The following RAF1 variants were observed in gnomAD, a reference collection of about 807,000 sequenced individuals.
The protein encoded by RAF1 is RAF proto-oncogene serine/threonine-protein kinase.
A neutral mutation model predicts 81.1 loss-of-function variants in RAF1; 27 were observed. The ratio of observed to expected loss-of-function variants is 0.33; its 90% CI spans 0.25 to 0.46. The LOEUF (loss-of-function observed/expected upper bound fraction) is 0.46. Ranked by LOEUF, RAF1 falls within the 20% of genes least tolerant of loss-of-function variation. The pLI is 1.00. For synonymous variants in RAF1, 298 were observed against 294.0 expected (o/e 1.01, Z -0.14); for missense variants, 598 against 826.0 (o/e 0.72, Z 3.38).
chr3:12,635,053 C>T (rs747765261), intron 1 of RAF1, among the ~76,000 whole-genome samples: 2 of 152,080 alleles, frequency 1.3e-5, no homozygotes, highest in African/African-American at 4.8e-5. Flanking sequence ...AGGGCAGCCA[C>T]GATGGCTCAC....
intron 3 of RAF1, among the ~76,000 whole-genome samples, chr3:12,610,263 C>A (rs1259594449): frequency 1.3e-5 from 2 of 152,198 alleles, no homozygotes; most frequent in East Asian, 1.9e-4. Context: ...CTACCAGAAG[C>A]CTAGTCAAGC....
At chr3:12,620,022 C>A (rs959910243) in intron 1 of RAF1, among the ~76,000 whole-genome samples, 2 of 152,096 alleles carry the variant, frequency 1.3e-5, no homozygotes, top group East Asian at 3.9e-4. Context: ...GCAGAGCTTG[C>A]GGTGAGCTGA....
chr3:12,596,903 C>CTT lies in RAF1; in HGVS notation c.1168+2786_1168+2787dup, dbSNP rs145040302. Among the ~76,000 whole-genome samples, 772 of 146,730 alleles carry CTT rather than the reference C, an allele frequency of 5.3e-3. 6 individuals carry two copies. The highest frequency in any genetic ancestry group is 0.016 in the African/African-American group (644 of 40,138). ...CTTTCTGACTTAAAAAACCTAGAAT[C>CTT]TTTTTTTTTTTTTGAGACGGAGTCT... On this transcript the variant is annotated intron_variant, in intron 11 of 17. Coordinates refer to ENST00000442415, the MANE Select transcript of RAF1 (RefSeq NM_001354689.3).
At chr3:12,647,022 C>T (rs1173056520) in intron 1 of RAF1, among the ~76,000 whole-genome samples, 2 of 146,930 alleles carry the variant, frequency 1.4e-5, no homozygotes, top group African/African-American at 2.5e-5. Context: ...ACCGGCCAGG[C>T]GTGGTGGCTC....
At chr3:12,661,432 A>C (rs1371587207) in intron 1 of RAF1, among the ~76,000 whole-genome samples, 1 of 152,166 alleles carries the variant, frequency 6.6e-6, no homozygotes, top group East Asian at 1.9e-4. Context: ...GGCCAGGCAC[A>C]GTGGCTCATG....
chr3:12,610,160 T>G lies in RAF1; in HGVS notation c.321-825A>C, dbSNP rs540721628. ...TAATGCCCAATTCCTTTCTTATGTT[T>G]TATCCAGTTAATCTGGCCCATTTTC... is the stretch of plus-strand genomic sequence containing the variant. On this transcript the variant is annotated intron_variant, in intron 3 of 17. Coordinates refer to ENST00000442415, the MANE Select transcript of RAF1 (RefSeq NM_001354689.3). 1.1e-4 allele frequency among the ~76,000 whole-genome samples: 17 copies of G among 152,322 alleles called. No individual in the cohort carries two copies. The South Asian group carries it at 3.3e-3, about 30-fold the overall frequency.
Position 12,613,208 on chromosome 3 carries a change from T to A in RAF1, c.208-1146A>T, listed in dbSNP as rs892138177. On this transcript the variant is annotated intron_variant, in intron 2 of 17. Coordinates refer to ENST00000442415, the MANE Select transcript of RAF1 (RefSeq NM_001354689.3). ...CAATTAATGGCAGCTGTAAAAAAAT[T>A]TGAATGAAAATTTCAGAGTTTTGAT... Among the ~76,000 whole-genome samples the A allele has an allele frequency of 2.6e-5, 4 of 152,252 alleles. No individual in the cohort carries two copies. The East Asian group carries it at 5.8e-4, about 22-fold the overall frequency.
At chr3:12,658,827 T>G (rs572116687) in intron 1 of RAF1, among the ~76,000 whole-genome samples, 1 of 152,184 alleles carries the variant, frequency 6.6e-6, no homozygotes, top group Non-Finnish European at 1.5e-5. Context: ...GATTGGAATG[T>G]GATGCCAATT....
intron 1 of RAF1, among the ~76,000 whole-genome samples, chr3:12,646,034 G>A (rs1321862201): frequency 1.3e-5 from 2 of 152,012 alleles, no homozygotes; most frequent in Non-Finnish European, 2.9e-5. Context: ...AACAACAAAG[G>A]ATTTAGCTTA....
chr3:12,590,453 T>G, intron 13 of RAF1: 1 of 274,602 alleles, frequency 3.6e-6, no homozygotes, highest in Non-Finnish European at 7.3e-6. Flanking sequence ...AGTTCTTGAG[T>G]AGCTGGGATT....
chr3:12,585,012 G>T lies in RAF1; in HGVS notation c.1729-31C>A, dbSNP rs370900574. On this transcript the variant is annotated intron_variant, in intron 16 of 17. Transcript: ENST00000442415. ...GGAAAGAAAACAGCTGAGCTAATGG[G>T]GGGTGAATGAACAACAGATAATAAC... 126 of 1,613,860 alleles carry T rather than the reference G, an allele frequency of 7.8e-5. 1 individual carries two copies. In the African/African-American group the frequency reaches 1.3e-3, roughly 17 times the overall value.
At chr3:12,642,480 C>T (rs900657992) in intron 1 of RAF1, among the ~76,000 whole-genome samples, 1 of 151,452 alleles carries the variant, frequency 6.6e-6, no homozygotes. Flanking sequence ...CCACAGCACT[C>T]CAGCCTGGGC....
intron 1 of RAF1, among the ~76,000 whole-genome samples, chr3:12,630,467 T>TGATA (rs146180716): frequency 4.5e-4 from 69 of 152,122 alleles, no homozygotes; most frequent in African/African-American, 1.6e-3. Context: ...TGATAGTGGG[T>TGATA]GATAAGTGCT....
chr3:12,619,611 C>T (rs1205308748), intron 1 of RAF1, among the ~76,000 whole-genome samples: 2 of 150,202 alleles, frequency 1.3e-5, no homozygotes, highest in African/African-American at 4.9e-5. Context: ...GCCCAGGTCT[C>T]AAGACTTCTA....
chr3:12,589,123 A>G (rs1047865789), intron 13 of RAF1: 4 of 153,284 alleles, frequency 2.6e-5, no homozygotes, highest in African/African-American at 9.7e-5. Flanking sequence ...CCCGAGTCAA[A>G]TAAACCTCTT....
chr3:12,657,282 C>A (rs553722416), intron 1 of RAF1, among the ~76,000 whole-genome samples: 2 of 152,136 alleles, frequency 1.3e-5, no homozygotes, highest in Non-Finnish European at 2.9e-5. Flanking sequence ...CACATCTACC[C>A]TTAAATATTT....
chr3:12,617,857 T>A (rs2059422114), intron 2 of RAF1, among the ~76,000 whole-genome samples: 1 of 131,594 alleles, frequency 7.6e-6, no homozygotes. Flanking sequence ...CCAGCCTGGG[T>A]GACAGAGTGA....
chr3:12,606,228 C>T lies in RAF1; in HGVS notation c.653G>A (p.Arg218Gln), dbSNP rs1387745696. Residue 218 changes from arginine (R) to glutamine (Q), a missense_variant, in exon 6 of 18, where the codon CGA becomes CAA. Around this residue, in one of 5 missense-constraint regions of RAF1, gnomAD observed 194 missense variants for 202.7 expected, o/e 0.96. Coordinates refer to ENST00000442415, the MANE Select transcript of RAF1 (RefSeq NM_001354689.3). ...AACAGGCATCCTGGAAACAGACTCT[C>T]GCATACGACGCATAGTCAAAGAAGG... 2 of 1,613,868 alleles carry T rather than the reference C, an allele frequency of 1.2e-6. No homozygotes were observed. Among genetic ancestry groups the T allele is most frequent in the Non-Finnish European group, 1.7e-6 (2 of 1,179,782 alleles).
Position 12,590,899 on chromosome 3 carries a change from C to T in RAF1, c.1329G>A (p.Trp443Ter). ...GTTTGTAGAGGCTGCTGCCCTCGCACCACTGGGTCACAATTGCCAGGTTGT... is the reference window on the plus strand; with the variant it reads ...GTTTGTAGAGGCTGCTGCCCTCGCATCACTGGGTCACAATTGCCAGGTTGT... Residue 443 changes from tryptophan to a stop codon, truncating the protein, a stop_gained, in exon 13 of 18, where the codon TGG becomes TGA. Coordinates refer to ENST00000442415, the MANE Select transcript of RAF1 (RefSeq NM_001354689.3). LOFTEE classifies it high-confidence loss of function. The T allele has an allele frequency of 6.2e-7, 1 of 1,613,316 alleles. No individual in the cohort carries two copies. The highest frequency in any genetic ancestry group is 8.5e-7 in the Non-Finnish European group (1 of 1,179,242).
Sources: gnomAD v4.1 joint callset for allele counts (sites outside exome capture counted in the v4.1 genomes callset) on GRCh38, gnomAD v4.1.1 for gene constraint, gnomAD v4.1.1 regional missense constraint, MANE v1.5 for transcripts, NCBI Gene and HGNC (gene_info 2026-07-23, HGNC 2026-07-21) for gene names.